Variants in LRRFIP2 observed in about 807,000 individuals in gnomAD.
The protein encoded by LRRFIP2 is LRR binding FLII interacting protein 2, also known as leucine-rich repeat flightless-interacting protein 2.
In LRRFIP2, 109 loss-of-function variants were observed where a neutral mutation model predicts 125.9. That is an observed-to-expected ratio of 0.87 (90% CI 0.74 to 1.01). The LOEUF is 1.01. LRRFIP2 is among the 50% of genes least tolerant of loss of function. The pLI, the probability that LRRFIP2 is intolerant of heterozygous loss-of-function variation, is 0.00. For missense variants in LRRFIP2, 850 were observed against 862.3 expected (o/e 0.99, Z 0.18); for synonymous variants, 291 against 293.1 (o/e 0.99, Z 0.07).
At chr3:37,108,926 T>C (rs2094449881) in intron 11 of LRRFIP2, among the ~76,000 whole-genome samples, 1 of 152,192 alleles carries the variant, frequency 6.6e-6, no homozygotes, top group South Asian at 2.1e-4. Flanking sequence ...CATCATGTTA[T>C]GAAACTGGGA....
At chr3:37,122,257 T>C (rs1325233903) in intron 4 of LRRFIP2, among the ~76,000 whole-genome samples, 1 of 152,044 alleles carries the variant, frequency 6.6e-6, no homozygotes, top group Non-Finnish European at 1.5e-5. Context: ...TCATCCTTTT[T>C]TATGCCTGCA....
chr3:37,076,566 C>T (rs1419298786), intron 19 of LRRFIP2, among the ~76,000 whole-genome samples: 6 of 151,264 alleles, frequency 4.0e-5, no homozygotes, highest in Non-Finnish European at 8.8e-5. Flanking sequence ...TTTTGAATGG[C>T]AGAGAATCTC....
chr3:37,176,250 A>C (rs2150517972), upstream of LRRFIP2: 1 of 152,378 alleles, frequency 6.6e-6, no homozygotes, highest in Admixed American at 6.5e-5. Flanking sequence ...GGTCAGGCCG[A>C]TGTGCCCTCT....
chr3:37,084,581 G>C (rs899397381), intron 18 of LRRFIP2, among the ~76,000 whole-genome samples: 1 of 152,112 alleles, frequency 6.6e-6, no homozygotes, highest in Non-Finnish European at 1.5e-5. Flanking sequence ...TGGGAGGACC[G>C]ATTGAGCCCA....
At chr3:37,094,503 G>A (rs543836491) in intron 17 of LRRFIP2, among the ~76,000 whole-genome samples, 2 of 152,230 alleles carry the variant, frequency 1.3e-5, no homozygotes, top group South Asian at 4.1e-4. Context: ...AGTTGTTTCT[G>A]AGAGAATTAC....
chr3:37,076,361 T>C (rs1004241276), intron 19 of LRRFIP2, among the ~76,000 whole-genome samples: 4 of 151,206 alleles, frequency 2.6e-5, no homozygotes, highest in African/African-American at 9.7e-5. Context: ...CCCATCTCTA[T>C]AAAAAAAATT....
chr3:37,065,718 T>A, intron 23 of LRRFIP2, 92 bp downstream of exon 23: 1 of 1,507,162 alleles, frequency 6.6e-7, no homozygotes, highest in Non-Finnish European at 9.2e-7. Flanking sequence ...TCAGCCCTTA[T>A]GCTGTTTTTG....
At chr3:37,116,291 C>G (rs959924332) in intron 6 of LRRFIP2, among the ~76,000 whole-genome samples, 5 of 140,440 alleles carry the variant, frequency 3.6e-5, no homozygotes, top group Non-Finnish European at 8.0e-5. Flanking sequence ...TGCCACCATA[C>G]TTACCTAATT....
At chr3:37,115,420 G>C (rs1184318435) in intron 6 of LRRFIP2, among the ~76,000 whole-genome samples, 1 of 152,124 alleles carries the variant, frequency 6.6e-6, no homozygotes, top group Non-Finnish European at 1.5e-5. Flanking sequence ...TTAAATACAA[G>C]AATTAAGCAT....
chr3:37,117,485 T>C (rs2094843677), intron 6 of LRRFIP2, among the ~76,000 whole-genome samples: 1 of 152,042 alleles, frequency 6.6e-6, no homozygotes, highest in Non-Finnish European at 1.5e-5. Context: ...GCCTTTATAT[T>C]GTTGTAAAGA....
At chr3:37,120,906 G>A (rs17035968) in intron 6 of LRRFIP2, among the ~76,000 whole-genome samples, 4,678 of 152,030 alleles carry the variant, frequency 0.031, 100 homozygotes, top group African/African-American at 0.058. Context: ...CAGAAATTAG[G>A]GTCTTGGCAT....
intron 19 of LRRFIP2, among the ~76,000 whole-genome samples, chr3:37,076,600 C>T (rs1336315174): frequency 6.6e-6 from 1 of 152,072 alleles, no homozygotes; most frequent in Non-Finnish European, 1.5e-5. Context: ...GGCACGGTGG[C>T]TCACGCCTGT....
intron 6 of LRRFIP2, among the ~76,000 whole-genome samples, chr3:37,117,276 T>A (rs1288973844): frequency 6.6e-6 from 1 of 152,132 alleles, no homozygotes; most frequent in Non-Finnish European, 1.5e-5. Flanking sequence ...CCAGTGGCAT[T>A]TTACACAGGC....
chr3:37,084,099 T>A (rs954645761), intron 18 of LRRFIP2, among the ~76,000 whole-genome samples: 4 of 152,022 alleles, frequency 2.6e-5, no homozygotes, highest in Non-Finnish European at 4.4e-5. Context: ...TCTGTAAGGG[T>A]CATAAAATGA....
At chr3:37,121,911 TTTTC>T (rs772279140) in intron 4 of LRRFIP2, among the ~76,000 whole-genome samples, 105 of 151,084 alleles carry the variant, frequency 6.9e-4, no homozygotes, top group Middle Eastern at 3.4e-3. Flanking sequence ...GCAGTACTAG[TTTTC>T]TTTCTTTTTT....
chr3:37,145,529 C>T (rs1047535216), intron 2 of LRRFIP2, among the ~76,000 whole-genome samples: 1 of 152,162 alleles, frequency 6.6e-6, no homozygotes, highest in Non-Finnish European at 1.5e-5. Flanking sequence ...CCAAAGCCCA[C>T]CTCTCCTGGA....
Position 37,091,463 on chromosome 3 carries a change from A to C in LRRFIP2, c.1107+4T>G. The C allele has an allele frequency of 1.2e-6, 2 of 1,607,640 alleles. No homozygotes were observed. Among genetic ancestry groups the C allele is most frequent in the Non-Finnish European group, 1.7e-6 (2 of 1,177,580 alleles). Reference sequence around the variant, plus strand: ...TGCTTGGGCTGCAGAATGGGCCCTGATACCTTTAGTTCTTTAAGCCCCTGC... The same window carrying C: ...TGCTTGGGCTGCAGAATGGGCCCTGCTACCTTTAGTTCTTTAAGCCCCTGC... On this transcript the variant is annotated splice_donor_region_variant and intron_variant, in intron 18 of 27. Coordinates refer to ENST00000336686, the MANE Select transcript of LRRFIP2 (RefSeq NM_006309.4).
intron 18 of LRRFIP2, among the ~76,000 whole-genome samples, chr3:37,088,445 G>A (rs1198138282): frequency 6.6e-6 from 1 of 151,138 alleles, no homozygotes; most frequent in Admixed American, 6.6e-5. Context: ...GGGAGGCAGA[G>A]GTGGGAGGAT....
chr3:37,149,675 C>A (rs1225050541), intron 1 of LRRFIP2, among the ~76,000 whole-genome samples: 1 of 152,132 alleles, frequency 6.6e-6, no homozygotes, highest in African/African-American at 2.4e-5. Context: ...AGTAACTTTG[C>A]TTTTTAGTGT....
Sources: allele counts gnomAD v4.1 joint callset (sites outside exome capture counted in the v4.1 genomes callset), GRCh38; gene constraint gnomAD v4.1.1; transcripts MANE v1.5; gene names NCBI Gene and HGNC (gene_info 2026-07-23, HGNC 2026-07-21).